The following UNC80 variants were observed in gnomAD, a reference collection of about 807,000 sequenced individuals.
UNC80 encodes protein unc-80 homolog.
Under a neutral mutation model 384.6 loss-of-function variants are expected in UNC80, and 164 were observed. The observed-to-expected ratio is 0.43, with a 90% CI of 0.38 to 0.49. UNC80 has a LOEUF of 0.49. UNC80 is among the 20% of genes least tolerant of loss of function. The pLI, the probability that UNC80 is intolerant of heterozygous loss-of-function variation, is 0.00. For missense variants in UNC80, 3,330 were observed against 4,143.0 expected (o/e 0.80, Z 5.39); for synonymous variants, 1,486 against 1,527.8 (o/e 0.97, Z 0.64).
intron 7 of UNC80, among the ~76,000 whole-genome samples, chr2:209,800,307 A>T (rs778787195): frequency 6.6e-6 from 1 of 152,050 alleles, no homozygotes. Context: ...GCATCCAGGA[A>T]TTTATCCCTT....
chr2:209,836,295 G>A (rs1466807068), intron 18 of UNC80, among the ~76,000 whole-genome samples: 2 of 152,140 alleles, frequency 1.3e-5, no homozygotes, highest in African/African-American at 4.8e-5. Flanking sequence ...GACTAGCCAT[G>A]AGACTAGTTA....
At chr2:209,930,632 A>G (rs2124965213) in intron 37 of UNC80, among the ~76,000 whole-genome samples, 1 of 152,318 alleles carries the variant, frequency 6.6e-6, no homozygotes, top group Admixed American at 6.5e-5. Context: ...GTCCCGTCAT[A>G]TCAGGCTACC....
chr2:209,931,672 T>G (rs923874698), intron 38 of UNC80, among the ~76,000 whole-genome samples: 8 of 152,204 alleles, frequency 5.3e-5, no homozygotes, highest in African/African-American at 1.9e-4. Context: ...ACTCCTTCAG[T>G]TATCCATATG....
chr2:209,972,060 A>G, intron 54 of UNC80, 141 bp from the exon 55 acceptor site: 1 of 985,860 alleles, frequency 1.0e-6, no homozygotes, highest in Non-Finnish European at 1.4e-6. Flanking sequence ...TGAAGCTTGT[A>G]TGCTGTACAG....
intron 47 of UNC80, among the ~76,000 whole-genome samples, chr2:209,951,958 CT>C (rs2092208942): frequency 6.6e-6 from 1 of 152,184 alleles, no homozygotes; most frequent in Non-Finnish European, 1.5e-5. Context: ...TCACACTCAT[CT>C]CTTCCTGTGT....
At chr2:209,922,578 G>A (rs1402832819) in intron 35 of UNC80, among the ~76,000 whole-genome samples, 195 bp downstream of exon 35, 1 of 152,086 alleles carries the variant, frequency 6.6e-6, no homozygotes, top group African/African-American at 2.4e-5. Context: ...TTATTTTTAA[G>A]TTGGCTCTAT....
chr2:209,886,723 T>G (rs2085843440), intron 25 of UNC80, among the ~76,000 whole-genome samples: 4 of 152,216 alleles, frequency 2.6e-5, no homozygotes, highest in African/African-American at 7.2e-5. Flanking sequence ...TGAACTGCCT[T>G]TCCCCACTTG....
intron 53 of UNC80, chr2:209,970,108 G>C: frequency 3.6e-6 from 2 of 549,832 alleles, no homozygotes; most frequent in Admixed American, 3.5e-5. Context: ...TTGGTGTGCT[G>C]CTTCCCATGC....
intron 36 of UNC80, among the ~76,000 whole-genome samples, chr2:209,928,736 A>G (rs1394006877): frequency 6.6e-6 from 1 of 152,168 alleles, no homozygotes; most frequent in Admixed American, 6.5e-5. Context: ...ATTGTTACCT[A>G]TAGTCACCCT....
Position 209,993,304 on chromosome 2 carries a change from AT to A in UNC80, c.9397-9del. 1 of 1,550,422 alleles carries A rather than the reference AT, an allele frequency of 6.4e-7. No individual in the cohort carries two copies. Among genetic ancestry groups the A allele is most frequent in the Non-Finnish European group, 8.7e-7 (1 of 1,145,954 alleles). On this transcript the variant is annotated splice_polypyrimidine_tract_variant and intron_variant, in intron 62 of 64. Coordinates refer to ENST00000673920, the MANE Select transcript of UNC80 (RefSeq NM_001371986.1). ...CCCTCTTGCAAGTTTTATTCTGCCT[AT>A]TCTCTTTAGCTAAGACGTCCTCTAC...
chr2:209,825,707 GAT>G (rs2080465859), intron 13 of UNC80, among the ~76,000 whole-genome samples, 198 bp from the exon 14 acceptor site: 2 of 152,114 alleles, frequency 1.3e-5, no homozygotes, highest in Non-Finnish European at 1.5e-5. Context: ...AAAATACGTA[GAT>G]TTTTTTCTTT....
chr2:209,914,099 T>G (rs1198331740), intron 31 of UNC80, among the ~76,000 whole-genome samples, 159 bp downstream of exon 31: 1 of 152,226 alleles, frequency 6.6e-6, no homozygotes, highest in Admixed American at 6.5e-5. Flanking sequence ...TATAGGAAGG[T>G]AGACCCAGGG....
chr2:209,935,873 C>A, intron 40 of UNC80, 65 bp downstream of exon 40: 1 of 976,960 alleles, frequency 1.0e-6, no homozygotes, highest in South Asian at 1.6e-5. Flanking sequence ...ACTGAAGATC[C>A]ATTTTAGAAT....
Position 209,933,834 on chromosome 2 carries a change from A to C in UNC80, c.6007A>C (p.Met2003Leu). ...TACTGACTTCTAGGTAGGATTAATC[A>C]TGTACTTTGTGCGGACCCCCTGCGA... The part of the protein sequence containing the change: ...ILFNYLVGLI[M>L]YFVRTPCEWG... Residue 2003 changes from methionine to leucine, a missense_variant, in exon 39 of 65, where the codon ATG (methionine) becomes CTG (leucine). Transcript: ENST00000673920. 6.4e-7 allele frequency: 1 copy of C among 1,550,892 alleles called. No homozygotes were observed. The highest frequency in any genetic ancestry group is 1.2e-5 in the South Asian group (1 of 83,974).
intron 25 of UNC80, among the ~76,000 whole-genome samples, chr2:209,884,316 G>A (rs1249590053): frequency 1.3e-5 from 2 of 152,174 alleles, no homozygotes; most frequent in Non-Finnish European, 2.9e-5. Flanking sequence ...GCATAGATGA[G>A]TCTATAATAA....
chr2:209,921,105 G>A (rs766144588), intron 33 of UNC80, among the ~76,000 whole-genome samples: 58 of 152,164 alleles, frequency 3.8e-4, no homozygotes, highest in Non-Finnish European at 2.8e-4. Flanking sequence ...TAGGATTACA[G>A]ACGTGAGCCA....
chr2:209,941,812 G>A (rs753650481), intron 44 of UNC80, among the ~76,000 whole-genome samples: 6 of 152,142 alleles, frequency 3.9e-5, no homozygotes, highest in Non-Finnish European at 8.8e-5. Flanking sequence ...GGTGGCTCAC[G>A]CCTGTAATGC....
At position 209,895,731 on chromosome 2, in the gene UNC80, G is replaced by A. The variant is rs574550183; in HGVS notation, c.4481-582G>A. On this transcript the variant is annotated intron_variant, in intron 27 of 64. Coordinates refer to ENST00000673920, the MANE Select transcript of UNC80 (RefSeq NM_001371986.1). ...GTAGTCTACCAAGTAGGGAATTCTT[G>A]AGAGATATTTCCTTTATACTTTCAC... Among the ~76,000 whole-genome samples, 5 of 152,312 alleles carry A rather than the reference G, an allele frequency of 3.3e-5. No individual in the cohort carries two copies. The East Asian group carries it at 9.7e-4, about 29-fold the overall frequency.
At position 209,952,926 on chromosome 2, in the gene UNC80, G is replaced by A. The variant is rs566880343; in HGVS notation, c.7287-1174G>A. On this transcript the variant is annotated intron_variant, in intron 47 of 64. Coordinates refer to ENST00000673920, the MANE Select transcript of UNC80 (RefSeq NM_001371986.1). Reference sequence around the variant, plus strand: ...ATAATTGCCATTTCCTGCTTATAGAGCACATATTATAGGCAAAATTATATT... The same window carrying A: ...ATAATTGCCATTTCCTGCTTATAGAACACATATTATAGGCAAAATTATATT... Among the ~76,000 whole-genome samples, 13 of 152,158 alleles carry A rather than the reference G, an allele frequency of 8.5e-5. No homozygotes were observed. The South Asian group carries it at 2.7e-3, about 32-fold the overall frequency.
Sources: allele counts gnomAD v4.1 joint callset (sites outside exome capture counted in the v4.1 genomes callset), GRCh38; gene constraint gnomAD v4.1.1; transcripts MANE v1.5; gene names NCBI Gene and HGNC (gene_info 2026-07-23, HGNC 2026-07-21).